The following DLG2 variants were observed in gnomAD, a reference collection of about 807,000 sequenced individuals.
The protein encoded by DLG2 is discs large MAGUK scaffold protein 2.
A neutral mutation model predicts 132.5 loss-of-function variants in DLG2; 45 were observed. That is an observed-to-expected ratio of 0.34 (90% CI 0.27 to 0.44). The LOEUF (loss-of-function observed/expected upper bound fraction) is 0.44, where lower values mean the gene tolerates loss of function less well. Among genes scored for constraint, DLG2 ranks in the 20% least tolerant of loss-of-function variants. The pLI is 1.00. For missense variants in DLG2, 1,045 were observed against 1,196.9 expected, an observed-to-expected ratio of 0.87 and a Z score of 1.87; for synonymous variants, 424 against 419.6, an observed-to-expected ratio of 1.01 and a Z score of -0.13.
chr11:83,683,662 G>T (rs11605584), intron 18 of DLG2, among the ~76,000 whole-genome samples: 2,292 of 152,260 alleles, frequency 0.015, 18 homozygotes, highest in Non-Finnish European at 0.022. Context: ...AGAATATCAA[G>T]AAAATATAGT....
chr11:85,217,102 A>T (rs1278105902), intron 4 of DLG2, among the ~76,000 whole-genome samples: 1 of 152,234 alleles, frequency 6.6e-6, no homozygotes, highest in Non-Finnish European at 1.5e-5. Flanking sequence ...CAATATTGTG[A>T]TATTGGTAAA....
intron 3 of DLG2, among the ~76,000 whole-genome samples, chr11:85,540,413 G>GA (rs2075888671): frequency 1.3e-5 from 2 of 152,156 alleles, no homozygotes; most frequent in Admixed American, 1.3e-4. Flanking sequence ...GGACCATGTG[G>GA]AATTTGGTCA....
intron 18 of DLG2, among the ~76,000 whole-genome samples, chr11:83,785,951 C>A (rs534903920): frequency 1.2e-4 from 18 of 152,212 alleles, no homozygotes; most frequent in African/African-American, 3.6e-4. Flanking sequence ...AAGATCTGAC[C>A]CATAATTGTG....
At chr11:83,670,230 T>C (rs763071053) in intron 18 of DLG2, among the ~76,000 whole-genome samples, 10 of 152,340 alleles carry the variant, frequency 6.6e-5, no homozygotes, top group Non-Finnish European at 1.3e-4. Flanking sequence ...TTTTATCATT[T>C]CCAGGCTTCT....
At chr11:84,711,161 T>G (rs1330238663) in intron 6 of DLG2, among the ~76,000 whole-genome samples, 1 of 151,546 alleles carries the variant, frequency 6.6e-6, no homozygotes, top group African/African-American at 2.4e-5. Context: ...AGGAAACTAT[T>G]TTAATTTCAA....
intron 8 of DLG2, among the ~76,000 whole-genome samples, chr11:84,199,755 T>A (rs1219777327): frequency 6.6e-6 from 1 of 152,058 alleles, no homozygotes; most frequent in Admixed American, 6.6e-5. Context: ...CAGGATAAAA[T>A]CTGAGAGAAA....
intron 18 of DLG2, among the ~76,000 whole-genome samples, chr11:83,776,167 A>AT (rs1716330221): frequency 6.6e-6 from 1 of 152,174 alleles, no homozygotes; most frequent in South Asian, 2.1e-4. Context: ...GGGTTTGTTA[A>AT]TTTTTTAATT....
rs184998979 is a variant in DLG2 at position 85,339,447 on chromosome 11, A to G, written c.41-54082T>C. 1.9e-4 allele frequency among the ~76,000 whole-genome samples: 29 copies of G among 152,330 alleles called. No homozygotes were observed. The East Asian group carries it at 5.4e-3, about 28-fold the overall frequency. On this transcript the variant is annotated intron_variant, in intron 3 of 27. Coordinates refer to ENST00000376104, the MANE Select transcript of DLG2 (RefSeq NM_001142699.3). ...ACTAGGTATTGTCCATTTTCCCTCC[A>G]GAAGGGTTATATCAATTTGCATTGA...
intron 6 of DLG2, chr11:84,923,589 T>G (rs775023772): frequency 1.0e-6 from 1 of 992,170 alleles, no homozygotes; most frequent in Non-Finnish European, 1.2e-6. Flanking sequence ...AGACTGTAAA[T>G]GAAGAGGAAA....
At chr11:83,585,350 A>G (rs2097064834) in intron 19 of DLG2, among the ~76,000 whole-genome samples, 1 of 152,140 alleles carries the variant, frequency 6.6e-6, no homozygotes, top group Non-Finnish European at 1.5e-5. Flanking sequence ...AATCACAACA[A>G]CCCACAACCC....
chr11:83,708,019 G>C (rs2084460490), intron 18 of DLG2, among the ~76,000 whole-genome samples: 1 of 152,144 alleles, frequency 6.6e-6, no homozygotes, highest in African/African-American at 2.4e-5. Flanking sequence ...TTGCAAAAAA[G>C]CATGATACTA....
At chr11:84,988,630 C>G (rs553750368) in intron 6 of DLG2, among the ~76,000 whole-genome samples, 3 of 152,236 alleles carry the variant, frequency 2.0e-5, no homozygotes, top group Admixed American at 6.5e-5. Flanking sequence ...AATGGAAAAC[C>G]AAACATCGTA....
At chr11:84,264,316 C>T (rs1345571590) in intron 7 of DLG2, among the ~76,000 whole-genome samples, 1 of 152,178 alleles carries the variant, frequency 6.6e-6, no homozygotes, top group African/African-American at 2.4e-5. Flanking sequence ...TAGCTTCCCA[C>T]AGTGGCAGTG....
intron 8 of DLG2, among the ~76,000 whole-genome samples, chr11:84,236,351 C>T (rs1032599511): frequency 6.6e-6 from 1 of 152,180 alleles, no homozygotes; most frequent in Non-Finnish European, 1.5e-5. Flanking sequence ...TTCTGGTGGA[C>T]TTGGGCAGGG....
At chr11:85,419,620 T>C (rs868278536) in intron 3 of DLG2, among the ~76,000 whole-genome samples, 2 of 152,224 alleles carry the variant, frequency 1.3e-5, no homozygotes, top group Admixed American at 6.5e-5. Context: ...TTGAAGGCTT[T>C]ATTCATTCCT....
chr11:85,609,581 C>A (rs2080844630), intron 2 of DLG2, among the ~76,000 whole-genome samples: 1 of 152,170 alleles, frequency 6.6e-6, no homozygotes, highest in Non-Finnish European at 1.5e-5. Context: ...CCCCCTCGTC[C>A]ATGTCTGCTA....
intron 6 of DLG2, among the ~76,000 whole-genome samples, chr11:84,547,215 A>G (rs999234103): frequency 6.6e-6 from 1 of 152,154 alleles, no homozygotes; most frequent in Non-Finnish European, 1.5e-5. Flanking sequence ...GGAACATTAG[A>G]TATGTTATTT....
At chr11:85,416,615 C>T (rs549879004) in intron 3 of DLG2, among the ~76,000 whole-genome samples, 25 of 152,216 alleles carry the variant, frequency 1.6e-4, no homozygotes, top group African/African-American at 6.0e-4. Flanking sequence ...TCTGTCATTT[C>T]CTTGAGCAGT....
chr11:84,079,589 C>T (rs1232827875), intron 10 of DLG2, among the ~76,000 whole-genome samples: 2 of 152,022 alleles, frequency 1.3e-5, no homozygotes, highest in African/African-American at 2.4e-5. Context: ...AGCCCTACAA[C>T]AGCTTCTTAG....
Sources: allele counts gnomAD v4.1 joint callset (sites outside exome capture counted in the v4.1 genomes callset), GRCh38; gene constraint gnomAD v4.1.1; transcripts MANE v1.5; gene names NCBI Gene and HGNC (gene_info 2026-07-23, HGNC 2026-07-21).